Variants in XG observed in about 807,000 individuals in gnomAD.
The protein encoded by XG is Xg glycoprotein (Xg blood group).
Under a neutral mutation model 25.7 loss-of-function variants are expected in XG, and 24 were observed. The ratio of observed to expected loss-of-function variants is 0.93; its 90% CI spans 0.68 to 1.31. XG has a LOEUF of 1.31. Ranked by LOEUF, XG falls within the 40% of genes most tolerant of loss-of-function variation. The pLI is 0.00. For missense variants in XG, 181 were observed against 187.6 expected (o/e 0.96, Z 0.21); for synonymous variants, 77 against 69.2 (o/e 1.11, Z -0.56).
chrX:2,806,722 A>G lies in XG; in HGVS notation c.395A>G (p.Asn132Ser), dbSNP rs772499893. 4.0e-5 allele frequency: 46 copies of G among 1,147,777 alleles called. No individual in the cohort carries two copies. In the South Asian group the frequency reaches 7.5e-4, roughly 19 times the overall value. The allele number at this position is 1,147,777 out of a possible 1,213,427, so 94.6% of individuals were successfully genotyped here. ...GCAGGAAGAGGGGGCTATAGACTCA[A>G]CTCTCGTTATGGAAATACTTATGGT... ...NTHGRGGYRL[N>S]SRYGNTYGGD... The change falls in exon 8 of 11, where the codon AAC becomes AGC. Residue 132 changes from asparagine to serine, a missense_variant. Coordinates refer to ENST00000644266, the MANE Select transcript of XG (RefSeq NM_001141919.2).
Position 2,775,120 on chromosome X carries a change from C to G in XG, c.127+381C>G, listed in dbSNP as rs146953216. On this transcript the variant is annotated intron_variant, in intron 3 of 10. Coordinates refer to ENST00000644266, the MANE Select transcript of XG (RefSeq NM_001141919.2). The stretch of plus-strand genomic sequence containing the variant: ...ACTCTATGAACCAGCAATTCCACTC[C>G]TAGGTATGTACTCAAAATAATTGAA... 662 of 245,046 alleles carry G rather than the reference C, an allele frequency of 2.7e-3. 4 individuals carry two copies. Among genetic ancestry groups the G allele is most frequent in the South Asian group, 0.021 (251 of 11,874 alleles). 15.2% of individuals were successfully genotyped at this position (245,046 alleles called of 1,614,324 possible).
intron 9 of XG, among the ~76,000 whole-genome samples, chrX:2,809,197 C>T (rs764722211): frequency 3.2e-4 from 36 of 111,110 alleles, no homozygotes; most frequent in African/African-American, 1.0e-3. Context: ...TGGATACACA[C>T]GTGGGGACAC....
intron 7 of XG, among the ~76,000 whole-genome samples, chrX:2,797,761 G>T: frequency 9.0e-6 from 1 of 111,697 alleles, no homozygotes; most frequent in Non-Finnish European, 1.9e-5. Flanking sequence ...GCTGGGCGCG[G>T]TGGCTCATGC....
At chrX:2,787,714 C>T (rs6641649) in intron 4 of XG, among the ~76,000 whole-genome samples, 1 of 110,450 alleles carries the variant, frequency 9.1e-6, no homozygotes, top group African/African-American at 3.3e-5. Flanking sequence ...CAAGACCAGC[C>T]TGGCCAACAT....
intron 7 of XG, among the ~76,000 whole-genome samples, chrX:2,798,053 A>AAAAAG (rs768409598): frequency 4.5e-5 from 5 of 111,281 alleles, no homozygotes; most frequent in South Asian, 3.8e-4. Context: ...TGTCTCAAAG[A>AAAAAG]AAAAGAAAAG....
At chrX:2,770,702 C>T (rs998794187) in intron 2 of XG, 111 bp downstream of exon 2, 1 of 1,292,042 alleles carries the variant, frequency 7.7e-7, no homozygotes, top group African/African-American at 1.5e-5. Flanking sequence ...ATTTCTTGGT[C>T]TTGAGATCTC....
chrX:2,785,589 A>G (rs1047076002), intron 4 of XG, among the ~76,000 whole-genome samples: 5 of 111,295 alleles, frequency 4.5e-5, no homozygotes, highest in Non-Finnish European at 9.4e-5. Context: ...TTCACAATTG[A>G]ACATCAGAAC....
At chrX:2,770,031 GGCGTT>G (rs2050781558) in intron 1 of XG, among the ~76,000 whole-genome samples, 1 of 139,662 alleles carries the variant, frequency 7.2e-6, no homozygotes, top group Non-Finnish European at 1.6e-5. Flanking sequence ...GGGTGGGGGG[GGCGTT>G]GGGGGGCGGG....
At position 2,814,593 on chromosome X, in the gene XG, G is replaced by A. The variant is rs12851007; in HGVS notation, c.*213G>A. The A allele has an allele frequency of 0.085, 35,102 of 411,503 alleles. 1,504 individuals carry two copies. Among genetic ancestry groups the A allele is most frequent in the African/African-American group, 0.21 (8,265 of 38,928 alleles). 33.9% of individuals were successfully genotyped at this position (411,503 alleles called of 1,213,427 possible). A position where few individuals can be genotyped will look rare whatever the true frequency, so the allele number is the denominator to read the frequency against. ...GATAAGTTAGGCAGCTAGACCCTGC[G>A]TTCTAAAAAAGGATTGCTTGCAATG... On this transcript the variant is annotated 3_prime_UTR_variant, in exon 11 of 11. Coordinates refer to ENST00000644266, the MANE Select transcript of XG (RefSeq NM_001141919.2).
At chrX:2,776,384 C>G in intron 3 of XG, among the ~76,000 whole-genome samples, 1 of 152,070 alleles carries the variant, frequency 6.6e-6, no homozygotes, top group South Asian at 2.1e-4. Context: ...AGGTGATAGA[C>G]GCGGGGCTTT....
intron 3 of XG, among the ~76,000 whole-genome samples, chrX:2,780,052 T>A (rs1399164577): frequency 6.6e-6 from 1 of 152,196 alleles, no homozygotes; most frequent in Non-Finnish European, 1.5e-5. Flanking sequence ...GTATTACTTT[T>A]TATTGGATTG....
At chrX:2,756,710 C>A (rs1021278272) in intron 1 of XG, among the ~76,000 whole-genome samples, 1 of 152,142 alleles carries the variant, frequency 6.6e-6, no homozygotes, top group Non-Finnish European at 1.5e-5. Context: ...CCTGACGCCC[C>A]CTCACAGGAT....
intron 1 of XG, among the ~76,000 whole-genome samples, chrX:2,770,027 G>C: frequency 6.8e-6 from 1 of 147,862 alleles, no homozygotes; most frequent in East Asian, 2.1e-4. Flanking sequence ...GGAGGGGTGG[G>C]GGGGGCGTTG....
intron 7 of XG, 122 bp downstream of exon 7, chrX:2,797,482 G>A (rs2086896981): frequency 2.5e-6 from 2 of 789,616 alleles, no homozygotes; most frequent in Non-Finnish European, 3.7e-6. Flanking sequence ...AGGGTGCTGT[G>A]TGCTGGTGCC....
chrX:2,806,843 C>T, intron 8 of XG, 98 bp downstream of exon 8: 2 of 719,244 alleles, frequency 2.8e-6, no homozygotes, highest in South Asian at 3.5e-5. Flanking sequence ...ATGCTTTCAT[C>T]CAGTGCACAA....
chrX:2,791,100 C>T (rs1253428385), intron 5 of XG, among the ~76,000 whole-genome samples: 1 of 110,029 alleles, frequency 9.1e-6, no homozygotes, highest in African/African-American at 3.3e-5. Flanking sequence ...CTTATTCTTC[C>T]CTCTGCAAGA....
intron 8 of XG, among the ~76,000 whole-genome samples, chrX:2,807,034 TTG>T (rs900362756): frequency 1.8e-5 from 2 of 112,690 alleles, no homozygotes; most frequent in African/African-American, 3.2e-5. Context: ...ACAGGTATGC[TTG>T]TGTGTATTGT....
In XG at chrX:2,760,192, T is replaced by C. The variant is rs187160831; in HGVS notation, c.61+7857T>C. Among the ~76,000 whole-genome samples the C allele has an allele frequency of 1.5e-3, 229 of 150,070 alleles. 3 individuals are homozygous for C. In the East Asian group the frequency reaches 0.042, roughly 27 times the overall value. On this transcript the variant is annotated intron_variant, in intron 1 of 10. Transcript: ENST00000644266. ...GAGACTCTGTCTCAGAAAAAAAAAA[T>C]TAAGGAAGAGTATTATTGAGAGCGT... is the stretch of plus-strand genomic sequence containing the variant.
At chrX:2,784,709 AAG>A (rs1352220247) in intron 4 of XG, among the ~76,000 whole-genome samples, 1 of 111,643 alleles carries the variant, frequency 9.0e-6, no homozygotes, top group Non-Finnish European at 1.9e-5. Context: ...GGAGTGGGGG[AAG>A]AGAGGCTCAG....
Sources: allele counts gnomAD v4.1 joint callset (sites outside exome capture counted in the v4.1 genomes callset), GRCh38; gene constraint gnomAD v4.1.1; transcripts MANE v1.5; gene names NCBI Gene and HGNC (gene_info 2026-07-23, HGNC 2026-07-21).